Variants in FXYD6 observed in about 807,000 individuals in gnomAD.
The protein encoded by FXYD6 is FXYD domain containing ion transport regulator 6, also known as FXYD domain-containing ion transport regulator 6.
FXYD6 carries 7 observed loss-of-function variants against 16.7 expected under a neutral mutation model. The observed-to-expected ratio is 0.42, with a 90% CI of 0.24 to 0.79. The LOEUF (loss-of-function observed/expected upper bound fraction) is 0.79, where lower values mean the gene tolerates loss of function less well. FXYD6 is among the 30% of genes least tolerant of loss of function. The pLI is 0.28. For synonymous variants in FXYD6, 49 were observed against 43.0 expected (o/e 1.14, Z -0.54); for missense variants, 111 against 116.2 (o/e 0.95, Z 0.21).
intron 1 of FXYD6, among the ~76,000 whole-genome samples, chr11:117,857,724 T>A (rs2056767628): frequency 6.6e-6 from 1 of 152,184 alleles, no homozygotes; most frequent in African/African-American, 2.4e-5. Flanking sequence ...AATATTTATA[T>A]TCCTAAGACC....
chr11:117,841,888 G>A lies in FXYD6; in HGVS notation c.98-23C>T, dbSNP rs767855266. 9 of 1,613,954 alleles carry A rather than the reference G, an allele frequency of 5.6e-6. No individual in the cohort carries two copies. The Admixed American group carries it at 1.5e-4, about 27-fold the overall frequency. On this transcript the variant is annotated intron_variant, in intron 3 of 7. Transcript: ENST00000526014. The stretch of plus-strand genomic sequence containing the variant: ...AATCTGCCAAAGGAACCAAGGGTGA[G>A]AGAGGAAGGGGCCAGGGAGAGGGTG...
rs566410357 is a variant in FXYD6 at position 117,871,630 on chromosome 11, G to A, written c.-6+4962C>T. 1.2e-4 allele frequency among the ~76,000 whole-genome samples: 18 copies of A among 152,298 alleles called. No individual in the cohort carries two copies. The South Asian group carries it at 2.7e-3, about 23-fold the overall frequency. On this transcript the variant is annotated intron_variant, in intron 1 of 7. Coordinates refer to ENST00000526014, the MANE Select transcript of FXYD6 (RefSeq NM_022003.4). ...AGAATAAACACTTGGGAGGAGCCACGAAGGATGATATAACAATAATAATGC... is the reference window on the plus strand; with the variant it reads ...AGAATAAACACTTGGGAGGAGCCACAAAGGATGATATAACAATAATAATGC...
At position 117,837,042 on chromosome 11, in the gene FXYD6, G is replaced by A. The variant is rs1220009475; in HGVS notation, c.*1257C>T. ...GTTGTTGAGGATAGATCACGATACA[G>A]AGAACAGCAATGGGTCACAGCGCAC... On this transcript the variant is annotated 3_prime_UTR_variant, in exon 8 of 8. Coordinates refer to ENST00000526014, the MANE Select transcript of FXYD6 (RefSeq NM_022003.4). The surrounding 1 kb of genome is among the most constrained non-coding windows in gnomAD (Gnocchi z 4.4). 1.3e-5 allele frequency: 2 copies of A among 152,230 alleles called. No homozygotes were observed. The highest frequency in any genetic ancestry group is 4.8e-5 in the African/African-American group (2 of 41,438). 9.4% of individuals were successfully genotyped at this position (152,230 alleles called of 1,614,324 possible). A position where few individuals can be genotyped will look rare whatever the true frequency, so the allele number is the denominator to read the frequency against.
At chr11:117,866,195 G>A (rs577438953) in intron 1 of FXYD6, among the ~76,000 whole-genome samples, 147 of 152,238 alleles carry the variant, frequency 9.7e-4, no homozygotes, top group South Asian at 3.7e-3. Flanking sequence ...TTCACAAGAC[G>A]ATGGGAGTTC....
At chr11:117,847,005 T>C (rs568808348) in intron 1 of FXYD6, among the ~76,000 whole-genome samples, 1 of 152,220 alleles carries the variant, frequency 6.6e-6, no homozygotes, top group Admixed American at 6.5e-5. Context: ...GAGTCCCCTG[T>C]CTATAAATAC....
At position 117,841,181 on chromosome 11, in the gene FXYD6, C is replaced by A; in HGVS notation, c.176G>T (p.Arg59Leu). The A allele has an allele frequency of 6.2e-7, 1 of 1,614,110 alleles. No homozygotes were observed. Among genetic ancestry groups the A allele is most frequent in the Non-Finnish European group, 8.5e-7 (1 of 1,180,018 alleles). The change falls in exon 5 of 8, where the codon CGC (arginine) becomes CTC (leucine). Residue 59 changes from arginine (R) to leucine (L), a missense_variant. Arg to Leu is a moderately radical substitution (Grantham distance 102). Transcript: ENST00000526014. ...FSVGILLILS[R>L]RCKCSFNQKP... ...CTGATTGAAACTGCACTTGCACCTGCGACCTGAAAAGCAAAGAAACCATCC... is the reference window on the plus strand; with the variant it reads ...CTGATTGAAACTGCACTTGCACCTGAGACCTGAAAAGCAAAGAAACCATCC...
intron 1 of FXYD6, among the ~76,000 whole-genome samples, chr11:117,868,430 C>A (rs1381467932): frequency 6.6e-6 from 1 of 152,144 alleles, no homozygotes; most frequent in African/African-American, 2.4e-5. Flanking sequence ...CCAGTCTAAT[C>A]ATGAGGAGAA....
chr11:117,856,523 A>G (rs2056730836), intron 1 of FXYD6, among the ~76,000 whole-genome samples: 1 of 152,216 alleles, frequency 6.6e-6, no homozygotes, highest in Admixed American at 6.5e-5. Flanking sequence ...CTGCTAAGAA[A>G]GATGAGGTCT....
chr11:117,840,598 G>A (rs2056316080), intron 5 of FXYD6, among the ~76,000 whole-genome samples: 1 of 152,194 alleles, frequency 6.6e-6, no homozygotes, highest in Non-Finnish European at 1.5e-5. Flanking sequence ...GCCCTCATGG[G>A]AAGGGGAGGC....
chr11:117,858,294 G>C (rs1043404801), intron 1 of FXYD6: 2 of 152,276 alleles, frequency 1.3e-5, no homozygotes, highest in Non-Finnish European at 2.9e-5. Context: ...TCTCTTGCAG[G>C]ATTAAAAGGA....
At chr11:117,849,559 T>G (rs987004860) in intron 1 of FXYD6, among the ~76,000 whole-genome samples, 5 of 151,954 alleles carry the variant, frequency 3.3e-5, no homozygotes, top group African/African-American at 1.2e-4. Context: ...TGACTGTTTA[T>G]CCTACCAAAA....
At chr11:117,849,411 T>C (rs1290701844) in intron 1 of FXYD6, among the ~76,000 whole-genome samples, 1 of 152,246 alleles carries the variant, frequency 6.6e-6, no homozygotes, top group Non-Finnish European at 1.5e-5. Flanking sequence ...CTTTATGACC[T>C]AGTACATGGT....
At chr11:117,849,177 G>C (rs2056546697) in intron 1 of FXYD6, among the ~76,000 whole-genome samples, 1 of 152,164 alleles carries the variant, frequency 6.6e-6, no homozygotes, top group Non-Finnish European at 1.5e-5. Flanking sequence ...CTGTAAGGGG[G>C]TGAAAGTACT....
At chr11:117,845,858 C>A (rs1041776039) in intron 1 of FXYD6, among the ~76,000 whole-genome samples, 3 of 152,198 alleles carry the variant, frequency 2.0e-5, no homozygotes, top group Non-Finnish European at 2.9e-5. Flanking sequence ...GAGATAGTTT[C>A]TTTTCTATTT....
At chr11:117,875,177 G>A (rs1292520632) in intron 1 of FXYD6, among the ~76,000 whole-genome samples, 2 of 151,942 alleles carry the variant, frequency 1.3e-5, no homozygotes, top group African/African-American at 4.8e-5. Flanking sequence ...GTGGTGGTGC[G>A]GTATATATGC....
At chr11:117,859,644 G>A (rs190792285) in intron 1 of FXYD6, among the ~76,000 whole-genome samples, 92 of 152,228 alleles carry the variant, frequency 6.0e-4, no homozygotes, top group African/African-American at 2.1e-3. Flanking sequence ...TGAAATCCAA[G>A]AACTAAGGAG....
intron 1 of FXYD6, among the ~76,000 whole-genome samples, chr11:117,859,259 A>C (rs2056849221): frequency 6.6e-6 from 1 of 152,142 alleles, no homozygotes; most frequent in Non-Finnish European, 1.5e-5. Context: ...CTGGCGGGCA[A>C]ATGTGAATCC....
chr11:117,877,277 G>A (rs1418512093), upstream of FXYD6: 4 of 152,340 alleles, frequency 2.6e-5, no homozygotes, highest in African/African-American at 9.7e-5. Context: ...GCCAGGTGGG[G>A]AGCTGGGGGG....
intron 6 of FXYD6, chr11:117,840,099 C>T: frequency 1.5e-6 from 1 of 653,734 alleles, no homozygotes; most frequent in Non-Finnish European, 2.7e-6. Context: ...GGGGTCTGTG[C>T]CTGGCACAAG....
Sources: gnomAD v4.1 joint callset for allele counts (sites outside exome capture counted in the v4.1 genomes callset) on GRCh38, gnomAD v4.1.1 for gene constraint, Gnocchi (gnomAD v3.1) non-coding constraint, MANE v1.5 for transcripts, NCBI Gene and HGNC (gene_info 2026-07-23, HGNC 2026-07-21) for gene names.